SEMA6A: variants seen among roughly 807,000 people sequenced by gnomAD.
The protein encoded by SEMA6A is semaphorin-6A.
A neutral mutation model predicts 96.8 loss-of-function variants in SEMA6A; 25 were observed. The ratio of observed to expected loss-of-function variants is 0.26; its 90% CI spans 0.19 to 0.36. The LOEUF (loss-of-function observed/expected upper bound fraction) is 0.36. Ranked by LOEUF, SEMA6A falls within the 10% of genes least tolerant of loss-of-function variation. SEMA6A has a pLI of 1.00. For missense variants in SEMA6A, 1,363 were observed against 1,323.1 expected (o/e 1.03, Z -0.47); for synonymous variants, 612 against 518.0 (o/e 1.18, Z -2.46).
At chr5:116,484,007 T>C (rs1252243066) in intron 10 of SEMA6A, among the ~76,000 whole-genome samples, 2 of 141,862 alleles carry the variant, frequency 1.4e-5, no homozygotes, top group African/African-American at 5.3e-5. Context: ...GAGGTTGCAG[T>C]GAGCTGAGAC....
intron 3 of SEMA6A, among the ~76,000 whole-genome samples, chr5:116,499,424 G>A (rs148214163): frequency 0.02 from 2,881 of 143,232 alleles, 104 homozygotes; most frequent in African/African-American, 0.073. Flanking sequence ...GGGGTTGGCC[G>A]GGGGGTGGGG....
In SEMA6A at chr5:116,504,887, A is replaced by C; in HGVS notation, c.58T>G (p.Phe20Val). ...FTLLHFAGAGFPEDSEPISIS... is the reference protein window; with the variant it reads ...FTLLHFAGAGVPEDSEPISIS... ...CTGATTGGCTCAGAATCTTCTGGGA[A>C]ACCAGCCCCAGCAAAGTGTAGCAGT... Residue 20 changes from phenylalanine (F) to valine (V), a missense_variant, in exon 2 of 19, where the codon TTC becomes GTC. Coordinates refer to ENST00000343348, the MANE Select transcript of SEMA6A (RefSeq NM_020796.5). The C allele has an allele frequency of 6.2e-7, 1 of 1,604,868 alleles. No individual in the cohort carries two copies. Among genetic ancestry groups the C allele is most frequent in the Non-Finnish European group, 8.5e-7 (1 of 1,175,630 alleles).
intron 11 of SEMA6A, among the ~76,000 whole-genome samples, chr5:116,481,846 A>C (rs962904221): frequency 6.6e-6 from 1 of 152,094 alleles, no homozygotes; most frequent in South Asian, 2.1e-4. Flanking sequence ...TCCCATGAAA[A>C]GAATTCTAAG....
chr5:116,551,728 A>T (rs1444797175), intron 1 of SEMA6A, among the ~76,000 whole-genome samples: 1 of 152,090 alleles, frequency 6.6e-6, no homozygotes, highest in Non-Finnish European at 1.5e-5. Context: ...CTAAGTTTTG[A>T]CCTGATTGTT....
intron 17 of SEMA6A, among the ~76,000 whole-genome samples, chr5:116,470,371 G>C (rs1252626827): frequency 6.6e-6 from 1 of 152,102 alleles, no homozygotes; most frequent in African/African-American, 2.4e-5. Flanking sequence ...CTATATTTTT[G>C]TCTTATCAGT....
chr5:116,445,762 A>C lies in SEMA6A; in HGVS notation c.*851T>G, dbSNP rs1754139521. ...CCAGCTCCAACTTATTTACTCAGTGAATTTATTGTAAAAATAAAGAAACTC... is the reference window on the plus strand; with the variant it reads ...CCAGCTCCAACTTATTTACTCAGTGCATTTATTGTAAAAATAAAGAAACTC... On this transcript the variant is annotated 3_prime_UTR_variant, in exon 19 of 19. Coordinates refer to ENST00000343348, the MANE Select transcript of SEMA6A (RefSeq NM_020796.5). The C allele has an allele frequency of 1.3e-5, 2 of 152,686 alleles. No individual in the cohort carries two copies. The highest frequency in any genetic ancestry group is 2.4e-5 in the African/African-American group (1 of 41,470). The allele number at this position is 152,686 out of a possible 1,614,324, so 9.5% of individuals were successfully genotyped here. A position where few individuals can be genotyped will look rare whatever the true frequency, so the allele number is the denominator to read the frequency against.
At chr5:116,513,824 C>A (rs924927489) in intron 1 of SEMA6A, among the ~76,000 whole-genome samples, 6 of 152,028 alleles carry the variant, frequency 3.9e-5, no homozygotes, top group Admixed American at 1.3e-4. Flanking sequence ...TGTTCTTCCC[C>A]GTGTGTCCAT....
In SEMA6A at chr5:116,467,881, T is replaced by C. The variant is rs1004866312; in HGVS notation, c.1730-134A>G. 4.8e-5 allele frequency: 34 copies of C among 703,204 alleles called. No homozygotes were observed. In the Admixed American group the frequency reaches 5.0e-4, roughly 10 times the overall value. The allele number at this position is 703,204 out of a possible 1,614,324, so 43.6% of individuals were successfully genotyped here. The stretch of plus-strand genomic sequence containing the variant: ...AGATGGCCCTAGAAATGACACGGCT[T>C]AGTGGTGGTGGTGGTGGTGGTGGTG... On this transcript the variant is annotated intron_variant, in intron 17 of 18. Coordinates refer to ENST00000343348, the MANE Select transcript of SEMA6A (RefSeq NM_020796.5).
At chr5:116,454,507 G>GGATT (rs1561465216) in intron 18 of SEMA6A, among the ~76,000 whole-genome samples, 8 of 152,200 alleles carry the variant, frequency 5.3e-5, no homozygotes, top group Admixed American at 3.9e-4. Flanking sequence ...GCATCGCCCC[G>GGATT]CTAACCACAC....
intron 4 of SEMA6A, among the ~76,000 whole-genome samples, chr5:116,497,032 CTG>C (rs1047956576): frequency 1.6e-4 from 24 of 152,252 alleles, no homozygotes; most frequent in African/African-American, 5.8e-4. Flanking sequence ...CTTATGAAAA[CTG>C]ATGTTTTCCT....
At chr5:116,477,758 T>A (rs1298288043) in intron 15 of SEMA6A, 88 bp downstream of exon 15, 21 of 1,277,762 alleles carry the variant, frequency 1.6e-5, no homozygotes, top group Middle Eastern at 2.6e-4. Context: ...AGCTGTGTGG[T>A]GGTGTGTGTG....
intron 1 of SEMA6A, among the ~76,000 whole-genome samples, chr5:116,514,141 T>C (rs1758554532): frequency 6.6e-6 from 1 of 152,208 alleles, no homozygotes; most frequent in South Asian, 2.1e-4. Flanking sequence ...TTCCTTTGGG[T>C]ATATACCCAG....
intron 3 of SEMA6A, chr5:116,499,005 G>A (rs1757745409): frequency 6.6e-6 from 1 of 152,168 alleles, no homozygotes; most frequent in African/African-American, 2.4e-5. Flanking sequence ...TTACAAAGTG[G>A]ATAATAATAA....
At chr5:116,463,388 A>T (rs558286269) in intron 18 of SEMA6A, among the ~76,000 whole-genome samples, 1 of 152,328 alleles carries the variant, frequency 6.6e-6, no homozygotes, top group East Asian at 1.9e-4. Flanking sequence ...ATAATTAACT[A>T]TAAAGAGAAT....
At chr5:116,514,557 A>G (rs1462525151) in intron 1 of SEMA6A, among the ~76,000 whole-genome samples, 1 of 152,224 alleles carries the variant, frequency 6.6e-6, no homozygotes. Flanking sequence ...AATGCCTCCT[A>G]TAATTTGCTG....
chr5:116,474,278 G>GCGCACA (rs1554083459), intron 16 of SEMA6A, among the ~76,000 whole-genome samples: 3 of 147,300 alleles, frequency 2.0e-5, no homozygotes, highest in Non-Finnish European at 4.5e-5. Context: ...GTGCACGCAT[G>GCGCACA]CACACACACA....
At chr5:116,481,583 A>G (rs941296056) in intron 11 of SEMA6A, among the ~76,000 whole-genome samples, 9 of 152,164 alleles carry the variant, frequency 5.9e-5, no homozygotes, top group Non-Finnish European at 1.0e-4. Flanking sequence ...GAGTTGAAAA[A>G]CAAAAAAATT....
intron 11 of SEMA6A, among the ~76,000 whole-genome samples, chr5:116,481,218 G>A (rs1257462222): frequency 1.3e-5 from 2 of 152,194 alleles, no homozygotes; most frequent in East Asian, 3.8e-4. Flanking sequence ...GCTGGTATTG[G>A]TTGAGTGACA....
chr5:116,524,537 C>T lies in SEMA6A; in HGVS notation c.-38-19555G>A, dbSNP rs76370220. Among the ~76,000 whole-genome samples the T allele has an allele frequency of 5.8e-3, 876 of 152,016 alleles. 10 individuals are homozygous for T. Among genetic ancestry groups the T allele is most frequent in the African/African-American group, 0.02 (843 of 41,430 alleles). On this transcript the variant is annotated intron_variant, in intron 1 of 18. Transcript: ENST00000343348. ...TGTCTTCTTTTCCTCATTACAAGCT[C>T]GGGTTGTGAATCTTAGGTTCCCTAG...
Sources: gnomAD v4.1 joint callset for allele counts (sites outside exome capture counted in the v4.1 genomes callset) on GRCh38, gnomAD v4.1.1 for gene constraint, MANE v1.5 for transcripts, NCBI Gene and HGNC (gene_info 2026-07-23, HGNC 2026-07-21) for gene names.